Variants in PLA2G4E observed in about 807,000 individuals in gnomAD.
PLA2G4E encodes cytosolic phospholipase A2 epsilon.
Under a neutral mutation model 109.1 loss-of-function variants are expected in PLA2G4E, and 84 were observed. The observed-to-expected ratio is 0.77, with a 90% CI of 0.65 to 0.92. PLA2G4E has a LOEUF of 0.92. Ranked by LOEUF, PLA2G4E falls within the 40% of genes least tolerant of loss-of-function variation. PLA2G4E has a pLI of 0.00. For missense variants in PLA2G4E, 1,057 were observed against 1,076.6 expected (o/e 0.98, Z 0.25); for synonymous variants, 469 against 436.1 (o/e 1.08, Z -0.94).
At chr15:42,041,682 T>C (rs1889318923) in intron 1 of PLA2G4E, among the ~76,000 whole-genome samples, 1 of 152,310 alleles carries the variant, frequency 6.6e-6, no homozygotes, top group East Asian at 1.9e-4. Flanking sequence ...GTACTGAGTA[T>C]TGGGGTTTAC....
At chr15:41,989,355 C>G in intron 15 of PLA2G4E, 60 bp downstream of exon 15, 1 of 1,601,148 alleles carries the variant, frequency 6.2e-7, no homozygotes, top group South Asian at 1.1e-5. Flanking sequence ...GGGGCCAACC[C>G]AGGGTGGCCC....
At chr15:42,050,028 T>C (rs72727735) in intron 1 of PLA2G4E, among the ~76,000 whole-genome samples, 24,774 of 152,180 alleles carry the variant, frequency 0.16, 2,059 homozygotes, top group Middle Eastern at 0.22. Context: ...TCTCTCTGAC[T>C]CGCATGGAAT....
intron 1 of PLA2G4E, among the ~76,000 whole-genome samples, chr15:42,026,920 C>T (rs932033961): frequency 6.6e-6 from 1 of 151,008 alleles, no homozygotes; most frequent in African/African-American, 2.4e-5. Context: ...TTGCAGTGAG[C>T]TGAGATCACA....
At chr15:42,013,632 CT>C in intron 2 of PLA2G4E, 52 bp downstream of exon 2, 1 of 1,505,056 alleles carries the variant, frequency 6.6e-7, no homozygotes, top group Non-Finnish European at 9.0e-7. Flanking sequence ...GCCAGGGCCT[CT>C]TCCATCCAGA....
chr15:41,996,062 T>C (rs1375390371), intron 11 of PLA2G4E, among the ~76,000 whole-genome samples: 1 of 152,106 alleles, frequency 6.6e-6, no homozygotes, highest in African/African-American at 2.4e-5. Flanking sequence ...TCCCTAAAGA[T>C]AGGGCCAGGT....
At chr15:41,992,646 T>C in intron 13 of PLA2G4E, 91 bp downstream of exon 13, 1 of 1,246,492 alleles carries the variant, frequency 8.0e-7, no homozygotes, top group Non-Finnish European at 1.1e-6. Context: ...TAATCCCCTG[T>C]GTGCAATGGA....
At chr15:41,992,778 CTGT>C (rs754955156) in exon 13 of PLA2G4E, 7 of 1,613,054 alleles carry the variant, frequency 4.3e-6, no homozygotes, top group Non-Finnish European at 5.9e-6. Context: ...CCCCAGAAGT[CTGT>C]AAAGGTGACC....
intron 16 of PLA2G4E, among the ~76,000 whole-genome samples, 149 bp downstream of exon 16, chr15:41,987,893 GCCGCCCC>G (rs2068170161): frequency 6.9e-6 from 1 of 145,946 alleles, no homozygotes. Context: ...AAAGCCGGGG[GCCGCCCC>G]CCATCACCCA....
chr15:42,047,296 C>T (rs113387388), intron 1 of PLA2G4E, among the ~76,000 whole-genome samples: 7 of 152,164 alleles, frequency 4.6e-5, no homozygotes, highest in Non-Finnish European at 8.8e-5. Context: ...TTTCTTATAG[C>T]TCCAGAGGCT....
intron 1 of PLA2G4E, among the ~76,000 whole-genome samples, chr15:42,036,710 G>A (rs1889222678): frequency 6.6e-6 from 1 of 152,184 alleles, no homozygotes; most frequent in South Asian, 2.1e-4. Context: ...GCCCAGCCAG[G>A]ACCTGGAGCC....
chr15:42,021,399 G>T (rs2068647247), intron 1 of PLA2G4E, among the ~76,000 whole-genome samples: 2 of 151,760 alleles, frequency 1.3e-5, no homozygotes, highest in South Asian at 4.2e-4. Context: ...AGAGGTCATG[G>T]CTCATAGATG....
intron 5 of PLA2G4E, among the ~76,000 whole-genome samples, 153 bp downstream of exon 5, chr15:42,004,785 T>C (rs1372979574): frequency 2.6e-5 from 4 of 152,138 alleles, no homozygotes; most frequent in Admixed American, 2.6e-4. Context: ...CCTGGGTGAT[T>C]CTGATGCACA....
chr15:41,992,568 C>T (rs1327439846), intron 13 of PLA2G4E, among the ~76,000 whole-genome samples, 169 bp downstream of exon 13: 1 of 152,250 alleles, frequency 6.6e-6, no homozygotes, highest in Admixed American at 6.5e-5. Flanking sequence ...ATCCCACCAC[C>T]TTCCTCCGTC....
intron 1 of PLA2G4E, among the ~76,000 whole-genome samples, chr15:42,018,068 A>C (rs879668034): frequency 1.3e-5 from 2 of 152,220 alleles, no homozygotes; most frequent in African/African-American, 4.8e-5. Context: ...TGGCAGGAAT[A>C]TGGGACTTAG....
rs889305110 is a variant in PLA2G4E at position 42,001,357 on chromosome 15, G to A, written c.610-137C>T. ...GGGCTGATGCTGGGGAATGCAGAATGTGTTGACCACATTTTCTGAACCCAA... is the reference window on the plus strand; with the variant it reads ...GGGCTGATGCTGGGGAATGCAGAATATGTTGACCACATTTTCTGAACCCAA... On this transcript the variant is annotated intron_variant, in intron 6 of 19. Transcript: ENST00000399518. 3.8e-5 allele frequency: 30 copies of A among 785,986 alleles called. 1 individual carries two copies. The Admixed American group carries it at 6.4e-4, about 17-fold the overall frequency. 48.7% of individuals were successfully genotyped at this position (785,986 alleles called of 1,614,324 possible). A position where few individuals can be genotyped will look rare whatever the true frequency, so the allele number is the denominator to read the frequency against.
chr15:41,985,580 A>G (rs1184410095), intron 18 of PLA2G4E, among the ~76,000 whole-genome samples: 1 of 152,286 alleles, frequency 6.6e-6, no homozygotes, highest in East Asian at 1.9e-4. Context: ...ATTGCCCAAT[A>G]TGGCAAATGC....
Position 41,992,722 on chromosome 15 carries a change from AAGCCG to A in PLA2G4E, c.1470+10_1470+14del. The A allele has an allele frequency of 6.2e-7, 1 of 1,608,548 alleles. No homozygotes were observed. The highest frequency in any genetic ancestry group is 8.5e-7 in the Non-Finnish European group (1 of 1,177,186). Reference sequence around the variant, plus strand: ...GCCAGGGCAGGGTGGGGCCCAGGAGAAGCCGAGCACCTACCTCGTCCCCCAGGCAG... The same window carrying A: ...GCCAGGGCAGGGTGGGGCCCAGGAGAAGCACCTACCTCGTCCCCCAGGCAG... On this transcript the variant is annotated intron_variant, in intron 13 of 19. Transcript: ENST00000399518.
At chr15:41,998,288 C>G (rs906802326) in intron 10 of PLA2G4E, 2 of 152,228 alleles carry the variant, frequency 1.3e-5, no homozygotes, top group African/African-American at 4.8e-5. Context: ...GAAAATAATT[C>G]TTTCTTTGGC....
rs2068354660 is a variant in PLA2G4E, at chr15:41,997,094, C to T, written c.1110+30G>A. Reference sequence around the variant, plus strand: ...CATGGTGCTGGAAGGACCAGCTGGGCCCAGGCTGGCCACATCCCTGATTAC... The same window carrying T: ...CATGGTGCTGGAAGGACCAGCTGGGTCCAGGCTGGCCACATCCCTGATTAC... On this transcript the variant is annotated intron_variant, in intron 11 of 19. Transcript: ENST00000399518. 1.3e-6 allele frequency: 2 copies of T among 1,537,188 alleles called. 1 individual carries two copies. Among genetic ancestry groups the T allele is most frequent in the Non-Finnish European group, 1.8e-6 (2 of 1,138,810 alleles).
Sources: gnomAD v4.1 joint callset for allele counts (sites outside exome capture counted in the v4.1 genomes callset) on GRCh38, gnomAD v4.1.1 for gene constraint, MANE v1.5 for transcripts, NCBI Gene and HGNC (gene_info 2026-07-23, HGNC 2026-07-21) for gene names.